The following MEGF11 variants were observed in gnomAD, a reference collection of about 807,000 sequenced individuals.
The protein encoded by MEGF11 is multiple epidermal growth factor-like domains protein 11.
MEGF11 carries 126 observed loss-of-function variants against 146.6 expected under a neutral mutation model. The ratio of observed to expected loss-of-function variants is 0.86; its 90% CI spans 0.74 to 1.00. The LOEUF (loss-of-function observed/expected upper bound fraction) is 1.00, where lower values mean the gene tolerates loss of function less well. MEGF11 is among the 50% of genes least tolerant of loss of function. The probability of loss-of-function intolerance (pLI) is 0.00; values close to 1 mark genes in which losing one functional copy is unlikely to be tolerated. For synonymous variants in MEGF11, 532 were observed against 583.4 expected, an observed-to-expected ratio of 0.91 and a Z score of 1.27; for missense variants, 1,509 against 1,521.2, an observed-to-expected ratio of 0.99 and a Z score of 0.13.
intron 6 of MEGF11, 32 bp from the exon 7 acceptor site, chr15:65,980,930 C>G (rs1028283988): frequency 6.5e-7 from 1 of 1,530,650 alleles, no homozygotes; most frequent in Admixed American, 2.2e-5. Context: ...TTAGACACAG[C>G]AGCATTCAGA....
intron 8 of MEGF11, among the ~76,000 whole-genome samples, chr15:65,965,613 CTTT>C (rs1186551497): frequency 1.7e-4 from 9 of 53,520 alleles, no homozygotes; most frequent in Middle Eastern, 0.01. Context: ...TTTTTTTTTT[CTTT>C]TTTTTTTTTT....
intron 5 of MEGF11, among the ~76,000 whole-genome samples, chr15:66,087,752 C>T (rs930706991): frequency 1.3e-5 from 2 of 152,064 alleles, no homozygotes; most frequent in African/African-American, 4.8e-5. Context: ...AAGGTCACAC[C>T]TCAAGGAACT....
chr15:66,050,985 G>A (rs925929706), intron 5 of MEGF11, among the ~76,000 whole-genome samples: 4 of 152,242 alleles, frequency 2.6e-5, no homozygotes, highest in Non-Finnish European at 5.9e-5. Context: ...CTCTTCCCAA[G>A]GGAATGACTG....
At chr15:66,186,496 A>G (rs2141171942) in intron 1 of MEGF11, among the ~76,000 whole-genome samples, 1 of 152,320 alleles carries the variant, frequency 6.6e-6, no homozygotes, top group South Asian at 2.1e-4. Context: ...GTTTCCAGAA[A>G]GGAGACTGTA....
At chr15:65,943,364 G>A (rs1156439497) in intron 10 of MEGF11, among the ~76,000 whole-genome samples, 2 of 152,310 alleles carry the variant, frequency 1.3e-5, no homozygotes, top group Middle Eastern at 3.4e-3. Flanking sequence ...GTCTTTCTGA[G>A]CATTTAGAGG....
chr15:66,058,394 C>T (rs1224104685), intron 5 of MEGF11, among the ~76,000 whole-genome samples: 4 of 152,146 alleles, frequency 2.6e-5, no homozygotes, highest in Non-Finnish European at 1.5e-5. Flanking sequence ...TTCTTTCCAC[C>T]CCCAGAACTA....
chr15:66,206,775 C>T lies in MEGF11; in HGVS notation c.-9+46830G>A, dbSNP rs958323119. Among the ~76,000 whole-genome samples the T allele has an allele frequency of 1.1e-4, 16 of 152,162 alleles. 1 individual carries two copies. Among genetic ancestry groups the T allele is most frequent in the East Asian group, 3.9e-4 (2 of 5,180 alleles). On this transcript the variant is annotated intron_variant, in intron 1 of 25. Transcript: ENST00000395614. ...AAAATTAGCCAGGCATGGTAGCGCA[C>T]GCCTGTAGTCCCAGCTACTCAGGAG...
chr15:66,131,975 G>T (rs946420521), intron 1 of MEGF11, among the ~76,000 whole-genome samples: 13 of 152,184 alleles, frequency 8.5e-5, no homozygotes, highest in African/African-American at 3.1e-4. Flanking sequence ...GAGTCTGCAT[G>T]CACTTGTCTA....
At chr15:66,006,624 C>A (rs991149845) in intron 5 of MEGF11, among the ~76,000 whole-genome samples, 12 of 152,240 alleles carry the variant, frequency 7.9e-5, no homozygotes, top group Non-Finnish European at 1.6e-4. Context: ...TCTCTCTCTG[C>A]TGCTGGCATC....
chr15:66,058,828 T>C (rs1257263176), intron 5 of MEGF11, among the ~76,000 whole-genome samples: 1 of 152,160 alleles, frequency 6.6e-6, no homozygotes. Context: ...TGATACACTT[T>C]GAGATGTCTG....
chr15:66,069,652 GC>G (rs2085283702), intron 5 of MEGF11, among the ~76,000 whole-genome samples: 1 of 152,150 alleles, frequency 6.6e-6, no homozygotes, highest in African/African-American at 2.4e-5. Flanking sequence ...GACTGCTACT[GC>G]TTCTATTATT....
At chr15:66,200,644 T>A (rs376175980) in intron 1 of MEGF11, among the ~76,000 whole-genome samples, 6 of 152,116 alleles carry the variant, frequency 3.9e-5, no homozygotes, top group African/African-American at 1.4e-4. Flanking sequence ...GCCACCTCCA[T>A]CTCCACTGGA....
Position 65,922,869 on chromosome 15 carries a change from C to T in MEGF11, c.1776G>A (p.Gly592=). The part of the protein sequence containing the change: ...ENGGSCSPED[G]SCECAPGFRG... Reference sequence around the variant, plus strand: ...GGAAGCCAGGGGCACACTCGCAGCTCCCATCCTCTGGGGAGCAGGAGCCTC... The same window carrying T: ...GGAAGCCAGGGGCACACTCGCAGCTTCCATCCTCTGGGGAGCAGGAGCCTC... Residue 592 remains glycine, a synonymous_variant, in exon 14 of 26, where the codon GGG becomes GGA. Coordinates refer to ENST00000395614, the MANE Select transcript of MEGF11 (RefSeq NM_001385028.1). 1 of 1,613,618 alleles carries T rather than the reference C, an allele frequency of 6.2e-7. No homozygotes were observed. The highest frequency in any genetic ancestry group is 1.1e-5 in the South Asian group (1 of 91,048).
intron 1 of MEGF11, among the ~76,000 whole-genome samples, chr15:66,150,825 AGAG>A: frequency 2.7e-4 from 1 of 3,742 alleles, no homozygotes; most frequent in Non-Finnish European, 5.5e-4. Context: ...TGCCCTGTCG[AGAG>A]AGAGAGAGAG....
chr15:66,097,528 GT>G (rs2086605530), intron 4 of MEGF11, among the ~76,000 whole-genome samples: 1 of 152,166 alleles, frequency 6.6e-6, no homozygotes, highest in African/African-American at 2.4e-5. Context: ...TAAACAGAGT[GT>G]TTTGTCAAGT....
intron 5 of MEGF11, among the ~76,000 whole-genome samples, chr15:66,011,877 G>C (rs1351874564): frequency 6.6e-6 from 1 of 152,040 alleles, no homozygotes; most frequent in Non-Finnish European, 1.5e-5. Context: ...GATGTTGAGA[G>C]AAAAAAGAAC....
intron 4 of MEGF11, among the ~76,000 whole-genome samples, chr15:66,115,197 G>A (rs1312267025): frequency 6.6e-6 from 1 of 152,356 alleles, no homozygotes; most frequent in East Asian, 1.9e-4. Flanking sequence ...CTTGGCATCC[G>A]ATGGGTTCTC....
intron 1 of MEGF11, among the ~76,000 whole-genome samples, chr15:66,228,571 A>G (rs925759416): frequency 1.3e-5 from 2 of 152,014 alleles, no homozygotes; most frequent in Non-Finnish European, 2.9e-5. Context: ...CAGAAATAAC[A>G]GCCCCTACCC....
In MEGF11 at chr15:65,897,734, G is replaced by A. The variant is rs2078385357; in HGVS notation, c.*200C>T. 4 of 462,984 alleles carry A rather than the reference G, an allele frequency of 8.6e-6. No homozygotes were observed. In the East Asian group the frequency reaches 1.0e-4, roughly 12 times the overall value. 28.7% of individuals were successfully genotyped at this position (462,984 alleles called of 1,614,324 possible). On this transcript the variant is annotated 3_prime_UTR_variant, in exon 26 of 26. Transcript: ENST00000395614. ...CCAGGGCATTTGGGGCTGAGTGGGTGATAGGATTTGCCTTTGAGAACACAA... is the reference window on the plus strand; with the variant it reads ...CCAGGGCATTTGGGGCTGAGTGGGTAATAGGATTTGCCTTTGAGAACACAA...
Sources: allele counts gnomAD v4.1 joint callset (sites outside exome capture counted in the v4.1 genomes callset), GRCh38; gene constraint gnomAD v4.1.1; transcripts MANE v1.5; gene names NCBI Gene and HGNC (gene_info 2026-07-23, HGNC 2026-07-21).